The following DAB1 variants were observed in gnomAD, a reference collection of about 807,000 sequenced individuals.
DAB1 encodes disabled homolog 1.
In DAB1, 15 loss-of-function variants were observed where a neutral mutation model predicts 64.6. The observed-to-expected ratio is 0.23, with a 90% confidence interval of 0.16 to 0.36. The LOEUF (loss-of-function observed/expected upper bound fraction) is 0.36, where lower values mean the gene tolerates loss of function less well. Among genes scored for constraint, DAB1 ranks in the 10% least tolerant of loss-of-function variants. The pLI, the probability that DAB1 is intolerant of heterozygous loss-of-function variation, is 1.00. For missense variants in DAB1, 596 were observed against 706.7 expected (o/e 0.84, Z 1.78); for synonymous variants, 235 against 251.9 (o/e 0.93, Z 0.64).
At chr1:58,305,443 C>T (rs896934459) in intron 4 of DAB1, among the ~76,000 whole-genome samples, 1 of 152,136 alleles carries the variant, frequency 6.6e-6, no homozygotes, top group Non-Finnish European at 1.5e-5. Flanking sequence ...AAATCTGTAT[C>T]TTTCACATTG....
At chr1:57,420,579 G>A (rs367900979) in intron 1 of DAB1, among the ~76,000 whole-genome samples, 1 of 152,358 alleles carries the variant, frequency 6.6e-6, no homozygotes, top group African/African-American at 2.4e-5. Context: ...GTCAGAAGTA[G>A]CTGGATTCAA....
At chr1:57,461,044 C>T (rs1477805822) in intron 7 of DAB1, among the ~76,000 whole-genome samples, 1 of 152,170 alleles carries the variant, frequency 6.6e-6, no homozygotes, top group African/African-American at 2.4e-5. Flanking sequence ...TGATGCTCTC[C>T]TTCCTTCCCC....
At chr1:58,038,500 C>G (rs1647081408) in intron 5 of DAB1, among the ~76,000 whole-genome samples, 1 of 152,192 alleles carries the variant, frequency 6.6e-6, no homozygotes, top group Non-Finnish European at 1.5e-5. Flanking sequence ...ATTTGTGAAT[C>G]AGCGGTTACC....
intron 1 of DAB1, among the ~76,000 whole-genome samples, chr1:57,420,344 T>C (rs1570492454): frequency 2.0e-5 from 3 of 152,328 alleles, no homozygotes; most frequent in East Asian, 1.9e-4. Context: ...CATCCCTTAC[T>C]TGCTATGTAA....
intron 5 of DAB1, among the ~76,000 whole-genome samples, chr1:58,097,854 G>T (rs1651082048): frequency 6.6e-6 from 1 of 152,158 alleles, no homozygotes; most frequent in African/African-American, 2.4e-5. Context: ...TAGAAAAACA[G>T]CTTGAAAGCC....
intron 6 of DAB1, among the ~76,000 whole-genome samples, chr1:57,806,050 C>T (rs987664498): frequency 2.0e-5 from 3 of 152,220 alleles, no homozygotes; most frequent in African/African-American, 4.8e-5. Context: ...AATACTCCAA[C>T]GGCTTCCCAT....
chr1:57,700,528 T>C (rs1646894594), intron 6 of DAB1, among the ~76,000 whole-genome samples: 1 of 152,210 alleles, frequency 6.6e-6, no homozygotes, highest in Admixed American at 6.5e-5. Context: ...ACTCCTGGCC[T>C]ATATGGTTTC....
intron 7 of DAB1, among the ~76,000 whole-genome samples, chr1:57,545,241 A>C (rs1644843683): frequency 6.6e-6 from 1 of 152,202 alleles, no homozygotes; most frequent in Non-Finnish European, 1.5e-5. Flanking sequence ...AATCTAATAC[A>C]GATCACTGAC....
chr1:57,955,077 C>T (rs1645360836), intron 5 of DAB1, among the ~76,000 whole-genome samples: 1 of 152,230 alleles, frequency 6.6e-6, no homozygotes, highest in South Asian at 2.1e-4. Flanking sequence ...ATCCACACCT[C>T]TTTTTGCCAC....
chr1:57,556,144 T>C (rs987217205), intron 7 of DAB1, among the ~76,000 whole-genome samples: 1 of 152,212 alleles, frequency 6.6e-6, no homozygotes, highest in Non-Finnish European at 1.5e-5. Flanking sequence ...TTCTATGGTA[T>C]ATACATACCA....
chr1:58,344,152 C>G (rs1213652), intron 3 of DAB1, among the ~76,000 whole-genome samples: 94,168 of 151,862 alleles, frequency 0.62, 30,650 homozygotes, highest in African/African-American at 0.81. Context: ...CTGAGTCTCG[C>G]TGTTCTCAAC....
intron 5 of DAB1, among the ~76,000 whole-genome samples, chr1:57,933,934 C>T (rs1222140367): frequency 6.6e-6 from 1 of 150,544 alleles, no homozygotes; most frequent in Non-Finnish European, 1.5e-5. Context: ...CTCACTCTGT[C>T]GCCCAGGCTA....
intron 5 of DAB1, among the ~76,000 whole-genome samples, chr1:57,974,093 A>G (rs541210976): frequency 6.6e-6 from 1 of 151,968 alleles, no homozygotes; most frequent in African/African-American, 2.4e-5. Flanking sequence ...CTCATGAAAC[A>G]CGCCAAGCTC....
At chr1:57,216,723 A>G (rs1666455439) in intron 2 of DAB1, among the ~76,000 whole-genome samples, 1 of 152,200 alleles carries the variant, frequency 6.6e-6, no homozygotes, top group South Asian at 2.1e-4. Flanking sequence ...TTTGTAGTTG[A>G]AAAGGTACAT....
rs398049302 is a variant in DAB1 at position 57,159,856 on chromosome 1, C to CAAAAAAAA, written c.68-14435_68-14428dup. ...CACGTACAAGGTAGAAGCAGCAAGA[C>CAAAAAAAA]AAAAAAAAAAAAAAAAAAAAAGGAA... On this transcript the variant is annotated intron_variant, in intron 2 of 14. Transcript: ENST00000371236. Among the ~76,000 whole-genome samples, 387 of 86,262 alleles carry CAAAAAAAA rather than the reference C, an allele frequency of 4.5e-3. 5 individuals are homozygous for CAAAAAAAA. Among genetic ancestry groups the CAAAAAAAA allele is most frequent in the African/African-American group, 0.013 (304 of 24,012 alleles). 56.6% of individuals were successfully genotyped at this position (86,262 alleles called of 152,430 possible).
chr1:57,214,910 C>CAAAAAAAAAA (rs56175448), intron 2 of DAB1, among the ~76,000 whole-genome samples: 1 of 58,736 alleles, frequency 1.7e-5, no homozygotes, highest in Non-Finnish European at 3.0e-5. Context: ...GATTCCCTCT[C>CAAAAAAAAAA]AAAAAAAAAA....
At chr1:57,782,762 G>A (rs928180906) in intron 6 of DAB1, among the ~76,000 whole-genome samples, 1 of 152,086 alleles carries the variant, frequency 6.6e-6, no homozygotes, top group Non-Finnish European at 1.5e-5. Flanking sequence ...TCACATTGTC[G>A]CTCAATATCA....
chr1:57,763,097 A>T (rs1033707729), intron 6 of DAB1, among the ~76,000 whole-genome samples: 36 of 152,194 alleles, frequency 2.4e-4, no homozygotes, highest in African/African-American at 7.7e-4. Flanking sequence ...AAAATAAATG[A>T]TTAACGATGC....
At chr1:57,755,413 G>A (rs778043894) in intron 6 of DAB1, among the ~76,000 whole-genome samples, 2 of 152,060 alleles carry the variant, frequency 1.3e-5, no homozygotes, top group African/African-American at 4.8e-5. Context: ...GTAAAGGTCC[G>A]ACATGAGAAA....
Sources: gnomAD v4.1 joint callset for allele counts (sites outside exome capture counted in the v4.1 genomes callset) on GRCh38, gnomAD v4.1.1 for gene constraint, MANE v1.5 for transcripts, NCBI Gene and HGNC (gene_info 2026-07-23, HGNC 2026-07-21) for gene names.